Variants in ROBO2 observed in about 807,000 individuals in gnomAD.
ROBO2 encodes roundabout guidance receptor 2.
ROBO2 carries 53 observed loss-of-function variants against 160.8 expected under a neutral mutation model. The observed-to-expected ratio is 0.33, with a 90% CI of 0.26 to 0.41. ROBO2 has a LOEUF of 0.41. Ranked by LOEUF, ROBO2 falls within the 10% of genes least tolerant of loss-of-function variation. The pLI, the probability that ROBO2 is intolerant of heterozygous loss-of-function variation, is 1.00. For synonymous variants in ROBO2, 664 were observed against 611.7 expected, an observed-to-expected ratio of 1.09 and a Z score of -1.26; for missense variants, 1,577 against 1,722.4, an observed-to-expected ratio of 0.92 and a Z score of 1.49.
Position 76,759,224 on chromosome 3 carries a change from C to G in ROBO2, c.110-338790C>G, listed in dbSNP as rs370058030. Among the ~76,000 whole-genome samples the G allele has an allele frequency of 2.0e-5, 3 of 151,884 alleles. No homozygotes were observed. In the East Asian group the frequency reaches 5.9e-4, roughly 30 times the overall value. ...AAGCTAATAAAAAGGAATATTATGA[C>G]TGGAAGTCATCTTTAATTTCTAGTC... On this transcript the variant is annotated intron_variant, in intron 2 of 26. Transcript: ENST00000487694.
intron 2 of ROBO2, among the ~76,000 whole-genome samples, chr3:76,374,200 G>A (rs1172444678): frequency 6.6e-6 from 1 of 152,030 alleles, no homozygotes; most frequent in East Asian, 1.9e-4. Flanking sequence ...AATTATGGTG[G>A]TCATGTTTGA....
chr3:77,271,331 G>A (rs13064976), intron 2 of ROBO2, among the ~76,000 whole-genome samples: 4 of 152,118 alleles, frequency 2.6e-5, no homozygotes, highest in East Asian at 1.9e-4. Context: ...AGAAACAGAC[G>A]GAAAGGGACT....
At chr3:77,483,012 C>A (rs1254451204) in intron 4 of ROBO2, among the ~76,000 whole-genome samples, 1 of 152,076 alleles carries the variant, frequency 6.6e-6, no homozygotes, top group Non-Finnish European at 1.5e-5. Context: ...ATGATGAGAA[C>A]TACTGGGGAT....
chr3:76,170,762 A>G (rs2073010592), intron 2 of ROBO2, among the ~76,000 whole-genome samples: 1 of 152,210 alleles, frequency 6.6e-6, no homozygotes, highest in Admixed American at 6.5e-5. Context: ...GAATAATCAT[A>G]CATACATATA....
chr3:76,425,838 T>G (rs1422334711), intron 2 of ROBO2, among the ~76,000 whole-genome samples: 1 of 151,832 alleles, frequency 6.6e-6, no homozygotes. Flanking sequence ...TTACATCATG[T>G]TTGTGAGGTG....
intron 2 of ROBO2, among the ~76,000 whole-genome samples, chr3:76,065,231 T>A (rs2068213435): frequency 6.6e-6 from 1 of 152,104 alleles, no homozygotes; most frequent in Non-Finnish European, 1.5e-5. Flanking sequence ...CTTTAAACAA[T>A]CATTGTGGTT....
chr3:77,051,252 A>C (rs1244009039), intron 1 of ROBO2, among the ~76,000 whole-genome samples: 8 of 152,140 alleles, frequency 5.3e-5, no homozygotes, highest in Non-Finnish European at 1.2e-4. Context: ...TTTTAATACT[A>C]AAGTGAAAGA....
At chr3:76,096,241 C>T (rs2069447886) in intron 2 of ROBO2, among the ~76,000 whole-genome samples, 1 of 152,074 alleles carries the variant, frequency 6.6e-6, no homozygotes, top group Non-Finnish European at 1.5e-5. Flanking sequence ...GCCTTCTGAC[C>T]TACATTCTCA....
intron 2 of ROBO2, among the ~76,000 whole-genome samples, chr3:76,839,755 T>A (rs1199734248): frequency 6.6e-6 from 1 of 152,232 alleles, no homozygotes; most frequent in Non-Finnish European, 1.5e-5. Flanking sequence ...TAGCTCTTCT[T>A]TAAACATTTG....
At chr3:75,964,029 A>G (rs1949019301) in intron 2 of ROBO2, among the ~76,000 whole-genome samples, 1 of 151,804 alleles carries the variant, frequency 6.6e-6, no homozygotes, top group African/African-American at 2.4e-5. Flanking sequence ...AGAGGGGAGC[A>G]GCGTTCAGCC....
intron 2 of ROBO2, among the ~76,000 whole-genome samples, chr3:76,728,205 A>G (rs2093582841): frequency 1.3e-5 from 2 of 152,172 alleles, no homozygotes; most frequent in Admixed American, 1.3e-4. Context: ...ACAATTTTAG[A>G]AACATATTCA....
At chr3:76,983,991 C>T (rs1418683022) in intron 2 of ROBO2, among the ~76,000 whole-genome samples, 3 of 152,112 alleles carry the variant, frequency 2.0e-5, no homozygotes, top group Admixed American at 6.6e-5. Context: ...GACGCAGGCA[C>T]CTTGTTCACA....
intron 2 of ROBO2, among the ~76,000 whole-genome samples, chr3:76,535,928 G>T (rs1306616419): frequency 1.3e-5 from 2 of 152,170 alleles, no homozygotes; most frequent in African/African-American, 4.8e-5. Context: ...CTAAACTGGG[G>T]AGATCTGGGA....
chr3:77,445,831 G>A (rs773595668), intron 2 of ROBO2, among the ~76,000 whole-genome samples: 2 of 142,246 alleles, frequency 1.4e-5, no homozygotes, highest in South Asian at 2.2e-4. Flanking sequence ...AGTATAGCAA[G>A]GATAGCTTTC....
intron 2 of ROBO2, among the ~76,000 whole-genome samples, chr3:77,470,268 C>T (rs1368060836): frequency 6.6e-6 from 1 of 152,140 alleles, no homozygotes; most frequent in Non-Finnish European, 1.5e-5. Flanking sequence ...ATCACATTTG[C>T]ATTTTAGCTA....
chr3:76,168,289 C>A (rs565844301), intron 2 of ROBO2, among the ~76,000 whole-genome samples: 1 of 152,238 alleles, frequency 6.6e-6, no homozygotes, highest in East Asian at 1.9e-4. Flanking sequence ...TCTCTTTTAC[C>A]TACCACATAT....
chr3:76,628,063 T>TA (rs1165823064), intron 2 of ROBO2, among the ~76,000 whole-genome samples: 5 of 151,716 alleles, frequency 3.3e-5, no homozygotes, highest in Non-Finnish European at 7.4e-5. Flanking sequence ...ACTTAAGTCA[T>TA]AAAAAAATAA....
Position 76,627,733 on chromosome 3 carries a change from A to G in ROBO2, c.110-470281A>G, listed in dbSNP as rs372223895. ...TGTGTTTGGAAGGGAAGAGGAATGT[A>G]ATAGGAGTTCAATGTATAAATGAAG... is the stretch of plus-strand genomic sequence containing the variant. On this transcript the variant is annotated intron_variant, in intron 2 of 26. Transcript: ENST00000487694. Among the ~76,000 whole-genome samples, 94 of 152,368 alleles carry G rather than the reference A, an allele frequency of 6.2e-4. 1 individual carries two copies. The South Asian group carries it at 6.2e-3, about 10-fold the overall frequency.
chr3:75,957,514 T>G (rs1337308326), intron 2 of ROBO2, among the ~76,000 whole-genome samples: 2 of 140,282 alleles, frequency 1.4e-5, no homozygotes, highest in African/African-American at 5.5e-5. Flanking sequence ...TAATAGAAGG[T>G]TTTTTTTTTT....
Sources: gnomAD v4.1 joint callset for allele counts (sites outside exome capture counted in the v4.1 genomes callset) on GRCh38, gnomAD v4.1.1 for gene constraint, MANE v1.5 for transcripts, NCBI Gene and HGNC (gene_info 2026-07-23, HGNC 2026-07-21) for gene names.